The following PPP1R9A variants were observed in gnomAD, a reference collection of about 807,000 sequenced individuals.
The protein encoded by PPP1R9A is protein phosphatase 1 regulatory subunit 9A.
A neutral mutation model predicts 141.9 loss-of-function variants in PPP1R9A; 59 were observed. That is an observed-to-expected ratio of 0.42 (90% CI 0.34 to 0.52). PPP1R9A has a LOEUF of 0.52. Among genes scored for constraint, PPP1R9A ranks in the 20% least tolerant of loss-of-function variants. The pLI is 0.10. For synonymous variants in PPP1R9A, 500 were observed against 569.7 expected, an observed-to-expected ratio of 0.88 and a Z score of 1.74; for missense variants, 1,444 against 1,611.9, an observed-to-expected ratio of 0.90 and a Z score of 1.78.
Position 95,252,071 on chromosome 7 carries a change from G to A in PPP1R9A, c.2606G>A (p.Gly869Glu), listed in dbSNP as rs776186926. 2.4e-5 allele frequency: 38 copies of A among 1,611,418 alleles called. No individual in the cohort carries two copies. Among genetic ancestry groups the A allele is most frequent in the Admixed American group, 6.7e-5 (4 of 59,496 alleles). Residue 869 changes from glycine (G) to glutamate (E), a missense_variant, in exon 12 of 20, where the codon GGG becomes GAG. Transcript: ENST00000433360. ...ACATCTCTTGGTGAAGTCTCTAAAG[G>A]GGATACCATGGAGAACTTGGATGGC... ...RRTSLGEVSK[G>E]DTMENLDGKQ... is the part of the protein sequence containing the mutation.
chr7:95,178,560 G>GA (rs909817041), intron 5 of PPP1R9A, among the ~76,000 whole-genome samples: 11 of 150,384 alleles, frequency 7.3e-5, no homozygotes, highest in Non-Finnish European at 1.6e-4. Context: ...GAAATTGAAA[G>GA]AAAAAAAATA....
intron 2 of PPP1R9A, among the ~76,000 whole-genome samples, chr7:95,033,130 G>T (rs922931862): frequency 1.3e-5 from 2 of 149,544 alleles, no homozygotes; most frequent in Non-Finnish European, 3.0e-5. Flanking sequence ...TCAGCCTCCC[G>T]AGTAGCTGGA....
chr7:94,936,666 G>A (rs1377777225), intron 2 of PPP1R9A, among the ~76,000 whole-genome samples: 1 of 150,762 alleles, frequency 6.6e-6, no homozygotes, highest in East Asian at 1.9e-4. Flanking sequence ...GTGTGTGTGT[G>A]TGTGTGTGTG....
intron 2 of PPP1R9A, among the ~76,000 whole-genome samples, chr7:95,011,464 A>C (rs34882564): frequency 3.4e-3 from 523 of 152,342 alleles, no homozygotes; most frequent in Middle Eastern, 0.014. Context: ...TTTCAAAAGT[A>C]ATCACTATAT....
intron 2 of PPP1R9A, among the ~76,000 whole-genome samples, chr7:94,945,055 T>A (rs1318144592): frequency 6.6e-6 from 1 of 152,058 alleles, no homozygotes; most frequent in Non-Finnish European, 1.5e-5. Context: ...TTACATGAGA[T>A]ACGTACCTTT....
intron 8 of PPP1R9A, among the ~76,000 whole-genome samples, chr7:95,227,459 T>A (rs1215588537): frequency 6.6e-6 from 1 of 152,208 alleles, no homozygotes; most frequent in Non-Finnish European, 1.5e-5. Flanking sequence ...AAATATTGTT[T>A]TAAGCATGCA....
intron 16 of PPP1R9A, 139 bp downstream of exon 16, chr7:95,274,307 A>G (rs1802763648): frequency 1.3e-6 from 1 of 786,384 alleles, no homozygotes; most frequent in Non-Finnish European, 2.0e-6. Flanking sequence ...GAAAAATTGC[A>G]CAATTAGTTT....
At chr7:95,114,384 G>T (rs147381502) in intron 3 of PPP1R9A, among the ~76,000 whole-genome samples, 89 of 152,272 alleles carry the variant, frequency 5.8e-4, no homozygotes, top group African/African-American at 1.7e-3. Flanking sequence ...GTATTAAAAA[G>T]TAGGGAATGA....
At position 95,255,512 on chromosome 7, in the gene PPP1R9A, G is replaced by A. The variant is rs534960194; in HGVS notation, c.2665+3382G>A. 7.9e-5 allele frequency among the ~76,000 whole-genome samples: 12 copies of A among 152,074 alleles called. No individual in the cohort carries two copies. The South Asian group carries it at 1.2e-3, about 16-fold the overall frequency. On this transcript the variant is annotated intron_variant, in intron 12 of 19. Coordinates refer to ENST00000433360, the MANE Select transcript of PPP1R9A (RefSeq NM_001166160.2). The stretch of plus-strand genomic sequence containing the variant: ...CATTTAAAAAATTATTTTGAACACC[G>A]AAAACCTGCTTCCAGGCAGGCCTTA...
chr7:95,080,786 C>T (rs967306606), intron 2 of PPP1R9A, among the ~76,000 whole-genome samples: 5 of 152,118 alleles, frequency 3.3e-5, no homozygotes, highest in Non-Finnish European at 7.4e-5. Flanking sequence ...ATTCTGGTCT[C>T]CTACAGTCAT....
chr7:95,086,129 G>A (rs1352334848), intron 2 of PPP1R9A, among the ~76,000 whole-genome samples: 2 of 151,766 alleles, frequency 1.3e-5, no homozygotes, highest in Non-Finnish European at 2.9e-5. Flanking sequence ...TGCAAAGATA[G>A]TACAGAGAAT....
intron 2 of PPP1R9A, among the ~76,000 whole-genome samples, chr7:94,981,477 T>C (rs2151326029): frequency 6.6e-6 from 1 of 152,324 alleles, no homozygotes; most frequent in East Asian, 1.9e-4. Flanking sequence ...TGACCTCTGA[T>C]GAGCCTGCCT....
intron 2 of PPP1R9A, among the ~76,000 whole-genome samples, chr7:95,108,477 A>C (rs1410643863): frequency 6.6e-6 from 1 of 151,108 alleles, no homozygotes; most frequent in South Asian, 2.1e-4. Flanking sequence ...CACCCGGCTA[A>C]TTTTTTGTAT....
intron 2 of PPP1R9A, among the ~76,000 whole-genome samples, chr7:95,047,152 G>A (rs543839837): frequency 3.9e-5 from 6 of 152,294 alleles, no homozygotes; most frequent in South Asian, 2.1e-4. Flanking sequence ...CTCTAAGGGC[G>A]TTGTGGTGGT....
At chr7:94,991,441 G>A (rs1801497270) in intron 2 of PPP1R9A, among the ~76,000 whole-genome samples, 1 of 151,982 alleles carries the variant, frequency 6.6e-6, no homozygotes, top group Admixed American at 6.6e-5. Flanking sequence ...CCTGTCAGAT[G>A]AATAGTTTGA....
intron 2 of PPP1R9A, among the ~76,000 whole-genome samples, chr7:95,072,028 C>A (rs971412421): frequency 6.6e-6 from 1 of 151,330 alleles, no homozygotes; most frequent in African/African-American, 2.4e-5. Context: ...TGTTATATTA[C>A]ATAAGTGAAC....
chr7:95,097,269 G>A lies in PPP1R9A; in HGVS notation c.1396-13990G>A, dbSNP rs139965120. 1.7e-3 allele frequency among the ~76,000 whole-genome samples: 266 copies of A among 152,138 alleles called. 2 individuals carry two copies. Among genetic ancestry groups the A allele is most frequent in the African/African-American group, 5.8e-3 (240 of 41,512 alleles). On this transcript the variant is annotated intron_variant, in intron 2 of 19. Transcript: ENST00000433360. ...CTGAACTCCTGATCTCAGGTGATGC[G>A]CCCACCTTGGCCTCCCAAATTGCTG... is the stretch of plus-strand genomic sequence containing the variant.
intron 2 of PPP1R9A, among the ~76,000 whole-genome samples, chr7:95,092,461 A>T (rs1219107290): frequency 6.6e-6 from 1 of 152,042 alleles, no homozygotes; most frequent in African/African-American, 2.4e-5. Context: ...GGAAGCCAGC[A>T]GGGTGGACCA....
At chr7:95,200,460 T>C (rs1789307676) in intron 6 of PPP1R9A, among the ~76,000 whole-genome samples, 1 of 151,838 alleles carries the variant, frequency 6.6e-6, no homozygotes, top group Non-Finnish European at 1.5e-5. Context: ...AAATTTTTTT[T>C]TTATAGATGA....
Sources: allele counts gnomAD v4.1 joint callset (sites outside exome capture counted in the v4.1 genomes callset), GRCh38; gene constraint gnomAD v4.1.1; transcripts MANE v1.5; gene names NCBI Gene and HGNC (gene_info 2026-07-23, HGNC 2026-07-21).